Variants in STAT4 observed in about 807,000 individuals in gnomAD.
STAT4 encodes the protein signal transducer and activator of transcription 4.
Under a neutral mutation model 110.5 loss-of-function variants are expected in STAT4, and 42 were observed. The observed-to-expected ratio is 0.38, with a 90% confidence interval of 0.30 to 0.49. STAT4 has a LOEUF of 0.49. Ranked by LOEUF, STAT4 falls within the 20% of genes least tolerant of loss-of-function variation. The pLI, the probability that STAT4 is intolerant of heterozygous loss-of-function variation, is 0.95. For missense variants in STAT4, 632 were observed against 887.9 expected (o/e 0.71, Z 3.66); for synonymous variants, 284 against 302.2 (o/e 0.94, Z 0.63).
chr2:191,127,035 TG>T (rs1698900311), intron 3 of STAT4, among the ~76,000 whole-genome samples: 1 of 151,944 alleles, frequency 6.6e-6, no homozygotes, highest in Non-Finnish European at 1.5e-5. Flanking sequence ...TTGACCAGGC[TG>T]GAGGCTAACT....
intron 5 of STAT4, among the ~76,000 whole-genome samples, chr2:191,070,830 A>G (rs1460706148): frequency 6.6e-6 from 1 of 151,452 alleles, no homozygotes; most frequent in African/African-American, 2.4e-5. Context: ...TTTGCATTTT[A>G]GCTTCTTTGC....
At chr2:191,109,974 G>T (rs1397402844) in intron 3 of STAT4, among the ~76,000 whole-genome samples, 4 of 152,116 alleles carry the variant, frequency 2.6e-5, no homozygotes, top group African/African-American at 4.8e-5. Flanking sequence ...AGGCTGTTAG[G>T]TTTCTCAGGG....
At chr2:191,106,387 C>T (rs574151271) in intron 3 of STAT4, among the ~76,000 whole-genome samples, 3 of 151,578 alleles carry the variant, frequency 2.0e-5, no homozygotes, top group Non-Finnish European at 2.9e-5. Flanking sequence ...AGGCTGGGCA[C>T]GGTGGCTCAT....
In STAT4 at chr2:191,030,559, A is replaced by C. The variant is rs557818548; in HGVS notation, c.2220+413T>G. 2.1e-4 allele frequency among the ~76,000 whole-genome samples: 32 copies of C among 152,334 alleles called. No homozygotes were observed. The highest frequency in any genetic ancestry group is 7.5e-4 in the African/African-American group (31 of 41,586). ...GTGATGTTTGCACTGTTAAGATAGC[A>C]AACTGGGTTTACTAGATAGTAAGTA... is the stretch of plus-strand genomic sequence containing the variant. On this transcript the variant is annotated intron_variant, in intron 23 of 23. Coordinates refer to ENST00000392320, the MANE Select transcript of STAT4 (RefSeq NM_003151.4). This position sits in a 1 kb window ranked among gnomAD's most constrained non-coding sequence, Gnocchi z 4.4.
At position 191,046,760 on chromosome 2, in the gene STAT4, G is replaced by T. The variant is rs1292571440; in HGVS notation, c.1252-5612C>A. 6.6e-6 allele frequency among the ~76,000 whole-genome samples: 1 copy of T among 152,224 alleles called. No homozygotes were observed. The highest frequency in any genetic ancestry group is 1.5e-5 in the Non-Finnish European group (1 of 68,046). On this transcript the variant is annotated intron_variant, in intron 14 of 23. Coordinates refer to ENST00000392320, the MANE Select transcript of STAT4 (RefSeq NM_003151.4). This position sits in a 1 kb window ranked among gnomAD's most constrained non-coding sequence, Gnocchi z 4.6. ...ACCTTTCTAGATGGAGATGCCAGGT[G>T]AGTCTTCTGTTCTAAAAATTTGGTC...
At chr2:191,125,476 T>TTTATTATTATTATTATTATTATCA (rs1698854057) in intron 3 of STAT4, among the ~76,000 whole-genome samples, 1 of 138,002 alleles carries the variant, frequency 7.2e-6, no homozygotes. Context: ...ATCCTCATTA[T>TTTATTATTATTATTATTATTATCA]TTATTATTAT....
At chr2:191,133,736 T>G (rs1699104472) in intron 3 of STAT4, among the ~76,000 whole-genome samples, 1 of 151,714 alleles carries the variant, frequency 6.6e-6, no homozygotes, top group Admixed American at 6.6e-5. Flanking sequence ...GGAAAAGGGT[T>G]TTGCAACAGT....
At chr2:191,106,388 G>A (rs1305022025) in intron 3 of STAT4, among the ~76,000 whole-genome samples, 2 of 151,926 alleles carry the variant, frequency 1.3e-5, no homozygotes, top group South Asian at 2.1e-4. Flanking sequence ...GGCTGGGCAC[G>A]GTGGCTCATG....
intron 3 of STAT4, among the ~76,000 whole-genome samples, chr2:191,136,118 T>C (rs976699063): frequency 6.6e-6 from 1 of 151,058 alleles, no homozygotes; most frequent in African/African-American, 2.4e-5. Context: ...ATAAATCACA[T>C]CAGCAGAATG....
At chr2:191,044,021 A>C (rs1412824762) in intron 14 of STAT4, among the ~76,000 whole-genome samples, 1 of 99,722 alleles carries the variant, frequency 1.0e-5, no homozygotes, top group Admixed American at 1.2e-4. Context: ...GAGGAAAAGG[A>C]TTAAAGGCGG....
chr2:191,080,776 C>CATT (rs1462797180), intron 3 of STAT4, among the ~76,000 whole-genome samples: 4 of 152,156 alleles, frequency 2.6e-5, no homozygotes, highest in African/African-American at 9.7e-5. Context: ...GACTTCTAAT[C>CATT]AGTCGTCTGT....
intron 3 of STAT4, among the ~76,000 whole-genome samples, chr2:191,126,920 A>G: frequency 6.6e-6 from 1 of 152,100 alleles, no homozygotes; most frequent in African/African-American, 2.4e-5. Context: ...TCTGGGTTCA[A>G]GTCAGCCTCC....
At chr2:191,049,399 C>T (rs541001915) in intron 14 of STAT4, among the ~76,000 whole-genome samples, 16 of 152,012 alleles carry the variant, frequency 1.1e-4, no homozygotes, top group African/African-American at 3.6e-4. Context: ...GATGGTCTCA[C>T]TCTCCTGACC....
At chr2:191,081,743 C>T (rs1327437626) in intron 3 of STAT4, among the ~76,000 whole-genome samples, 1 of 152,118 alleles carries the variant, frequency 6.6e-6, no homozygotes. Flanking sequence ...CTTCAGCAAT[C>T]AGCAGTTAGA....
In STAT4 at chr2:191,125,349, T is replaced by C. The variant is rs1419521380; in HGVS notation, c.273+21264A>G. ...CTACCTGCGTAACTTTACACCTCATTGTGCACTTAAAAGCCCACTGGAGGT... is the reference window on the plus strand; with the variant it reads ...CTACCTGCGTAACTTTACACCTCATCGTGCACTTAAAAGCCCACTGGAGGT... On this transcript the variant is annotated intron_variant, in intron 3 of 23. Coordinates refer to ENST00000392320, the MANE Select transcript of STAT4 (RefSeq NM_003151.4). 2.6e-5 allele frequency among the ~76,000 whole-genome samples: 4 copies of C among 152,032 alleles called. No individual in the cohort carries two copies. In the East Asian group the frequency reaches 7.7e-4, roughly 29 times the overall value.
At position 191,033,492 on chromosome 2, in the gene STAT4, C is replaced by G. The variant is rs777832373; in HGVS notation, c.1850G>C (p.Ser617Thr). The G allele has an allele frequency of 6.2e-7, 1 of 1,609,824 alleles. No individual in the cohort carries two copies. Among genetic ancestry groups the G allele is most frequent in the South Asian group, 1.1e-5 (1 of 90,168 alleles). ...AATAAACATTAGTGAGTATATACCA[C>G]TTTCAGAATGGTCCACCCAGGTGAA... ...ITFTWVDHSE[S>T]GEVRFHSVEP... Residue 617 changes from serine to threonine, a missense_variant and splice_region_variant, in exon 20 of 24, where the codon AGT becomes ACT. Ser to Thr is a moderately conservative substitution (Grantham distance 58, BLOSUM62 1). Around this residue, in one of 4 missense-constraint regions of STAT4, gnomAD observed 74 missense variants for 154.3 expected, o/e 0.48. Coordinates refer to ENST00000392320, the MANE Select transcript of STAT4 (RefSeq NM_003151.4). This position sits in a 1 kb window ranked among gnomAD's most constrained non-coding sequence, Gnocchi z 6.9.
chr2:191,033,470 A>T lies in STAT4; in HGVS notation c.1852+20T>A. On this transcript the variant is annotated intron_variant, in intron 20 of 23. Transcript: ENST00000392320. This position sits in a 1 kb window ranked among gnomAD's most constrained non-coding sequence, Gnocchi z 6.9. ...TTAAGAAAACTAATTTCACATGAATAAACATTAGTGAGTATATACCACTTT... is the reference window on the plus strand; with the variant it reads ...TTAAGAAAACTAATTTCACATGAATTAACATTAGTGAGTATATACCACTTT... 6.3e-7 allele frequency: 1 copy of T among 1,586,512 alleles called. No homozygotes were observed. The highest frequency in any genetic ancestry group is 8.5e-7 in the Non-Finnish European group (1 of 1,171,294).
rs1699483177 is a variant in STAT4, at chr2:191,147,139, T to G, written c.129-382A>C. 6.6e-6 allele frequency among the ~76,000 whole-genome samples: 1 copy of G among 152,154 alleles called. No homozygotes were observed. Among genetic ancestry groups the G allele is most frequent in the South Asian group, 2.1e-4 (1 of 4,830 alleles). On this transcript the variant is annotated intron_variant, in intron 2 of 23. Coordinates refer to ENST00000392320, the MANE Select transcript of STAT4 (RefSeq NM_003151.4). The surrounding 1 kb of genome is among the most constrained non-coding windows in gnomAD (Gnocchi z 4.1). ...ATAAAATTGCTATATGACCCAGCAA[T>G]TCCACATCTGGATATATACCCAAAA...
Position 191,030,773 on chromosome 2 carries a change from G to A in STAT4, c.2220+199C>T, listed in dbSNP as rs1474776032. On this transcript the variant is annotated intron_variant, in intron 23 of 23. Transcript: ENST00000392320. This position sits in a 1 kb window ranked among gnomAD's most constrained non-coding sequence, Gnocchi z 4.4. ...ACAACGTAAAGCAGTTTAAGTAACT[G>A]AAGGTGTCTGCTTTCAATACGCATA... is the stretch of plus-strand genomic sequence containing the variant. The A allele has an allele frequency of 1.9e-5, 10 of 520,234 alleles. No homozygotes were observed. The highest frequency in any genetic ancestry group is 1.7e-5 in the Non-Finnish European group (5 of 289,182). The allele number at this position is 520,234 out of a possible 1,614,324, so 32.2% of individuals were successfully genotyped here.
Sources: allele counts gnomAD v4.1 joint callset (sites outside exome capture counted in the v4.1 genomes callset), GRCh38; gene constraint gnomAD v4.1.1; regional missense constraint gnomAD v4.1.1; non-coding constraint Gnocchi (gnomAD v3.1); transcripts MANE v1.5; gene names NCBI Gene and HGNC (gene_info 2026-07-23, HGNC 2026-07-21).